Variants in PLEKHA7 observed in about 807,000 individuals in gnomAD.
PLEKHA7 encodes the protein pleckstrin homology domain-containing family A member 7.
Under a neutral mutation model 170.0 loss-of-function variants are expected in PLEKHA7, and 104 were observed. That is an observed-to-expected ratio of 0.61 (90% CI 0.52 to 0.72). PLEKHA7 has a LOEUF of 0.72. Among genes scored for constraint, PLEKHA7 ranks in the 30% least tolerant of loss-of-function variants. The pLI is 0.00. For synonymous variants in PLEKHA7, 648 were observed against 660.8 expected (o/e 0.98, Z 0.30); for missense variants, 1,615 against 1,671.7 (o/e 0.97, Z 0.59).
intron 3 of PLEKHA7, 76 bp from the exon 4 acceptor site, chr11:16,871,258 T>C: frequency 8.6e-7 from 1 of 1,162,154 alleles, no homozygotes; most frequent in Non-Finnish European, 1.3e-6. Context: ...CAGTCAGCAA[T>C]GTCTGGTGAC....
chr11:16,820,911 G>A (rs1043491837), intron 10 of PLEKHA7, among the ~76,000 whole-genome samples: 2 of 152,206 alleles, frequency 1.3e-5, no homozygotes, highest in African/African-American at 4.8e-5. Flanking sequence ...TAACTATGGA[G>A]GAGGGACACA....
chr11:16,878,339 A>C (rs1376343939), intron 3 of PLEKHA7, among the ~76,000 whole-genome samples: 1 of 152,196 alleles, frequency 6.6e-6, no homozygotes, highest in East Asian at 1.9e-4. Flanking sequence ...ATCTTTTAAA[A>C]TATAAGCTAG....
chr11:16,886,492 C>T (rs1014720626), intron 3 of PLEKHA7, among the ~76,000 whole-genome samples: 3 of 152,188 alleles, frequency 2.0e-5, no homozygotes, highest in Non-Finnish European at 4.4e-5. Flanking sequence ...AAGTGGATCA[C>T]CTGAGGTCAG....
intron 4 of PLEKHA7, among the ~76,000 whole-genome samples, chr11:16,863,888 T>C (rs1320619800): frequency 6.6e-6 from 1 of 152,058 alleles, no homozygotes; most frequent in Non-Finnish European, 1.5e-5. Flanking sequence ...AGCAAAATGA[T>C]CCAATAACTG....
At chr11:16,848,168 G>A (rs1203284149) in intron 8 of PLEKHA7, among the ~76,000 whole-genome samples, 5 of 152,208 alleles carry the variant, frequency 3.3e-5, no homozygotes, top group Non-Finnish European at 7.3e-5. Context: ...AGAGAAAAAA[G>A]GCAGCTCTTT....
intron 3 of PLEKHA7, among the ~76,000 whole-genome samples, chr11:16,949,419 G>C (rs769546156): frequency 5.3e-4 from 81 of 152,198 alleles, no homozygotes; most frequent in Admixed American, 5.2e-4. Flanking sequence ...CATGGGGAGG[G>C]AGCGGTGTGA....
At chr11:16,786,849 G>T in intron 23 of PLEKHA7, 2 of 985,386 alleles carry the variant, frequency 2.0e-6, no homozygotes, top group Non-Finnish European at 2.4e-6. Flanking sequence ...TTTCTATTGG[G>T]AATTTTCAAC....
chr11:16,839,851 C>CAT (rs1026314527), intron 9 of PLEKHA7, among the ~76,000 whole-genome samples: 3 of 151,708 alleles, frequency 2.0e-5, no homozygotes, highest in African/African-American at 4.8e-5. Context: ...ATACTGTAAA[C>CAT]ATATATATAT....
At chr11:16,833,233 TC>T (rs540652664) in intron 9 of PLEKHA7, among the ~76,000 whole-genome samples, 2 of 152,032 alleles carry the variant, frequency 1.3e-5, no homozygotes, top group Non-Finnish European at 2.9e-5. Context: ...CCTTCAGGCC[TC>T]CCTCCCACAG....
At chr11:16,841,431 G>A in intron 9 of PLEKHA7, 116 bp downstream of exon 9, 5 of 1,147,712 alleles carry the variant, frequency 4.4e-6, no homozygotes, top group Non-Finnish European at 6.1e-6. Flanking sequence ...TTTATAAAGA[G>A]AGGGCAATGC....
Position 16,783,829 on chromosome 11 carries a change from G to C in PLEKHA7, c.3521C>G (p.Ser1174Cys). ...DYDLDISREL[S>C]KPEKVSIPER... Reference sequence around the variant, plus strand: ...AGGGATTGACACCTTCTCTGGTTTGGACAGCTGGGGAGAGGCCAGGAGGTG... The same window carrying C: ...AGGGATTGACACCTTCTCTGGTTTGCACAGCTGGGGAGAGGCCAGGAGGTG... The change falls in exon 25 of 27, where the codon TCC becomes TGC. Residue 1174 changes from serine (S) to cysteine (C), a missense_variant. Ser to Cys is a moderately radical substitution (Grantham distance 112). Coordinates refer to ENST00000531066, the MANE Select transcript of PLEKHA7 (RefSeq NM_001329630.2). The C allele has an allele frequency of 1.3e-6, 2 of 1,482,980 alleles. No individual in the cohort carries two copies. The highest frequency in any genetic ancestry group is 1.8e-6 in the Non-Finnish European group (2 of 1,121,498). 91.9% of individuals were successfully genotyped at this position (1,482,980 alleles called of 1,614,324 possible). A position where few individuals can be genotyped will look rare whatever the true frequency, so the allele number is the denominator to read the frequency against.
chr11:17,013,135 C>G lies in PLEKHA7; in HGVS notation c.221+854G>C, dbSNP rs148754687. 4.6e-5 allele frequency: 7 copies of G among 152,472 alleles called. No individual in the cohort carries two copies. In the East Asian group the frequency reaches 7.7e-4, roughly 17 times the overall value. The allele number at this position is 152,472 out of a possible 1,614,324, so 9.4% of individuals were successfully genotyped here. A position where few individuals can be genotyped will look rare whatever the true frequency, so the allele number is the denominator to read the frequency against. ...AGGGGTCAAAGGCAGTGTCTGGCCT[C>G]CCGGAGCTCAGCAGGCAGAGGGAAA... is the stretch of plus-strand genomic sequence containing the variant. On this transcript the variant is annotated intron_variant, in intron 3 of 26. Transcript: ENST00000531066.
intron 3 of PLEKHA7, among the ~76,000 whole-genome samples, chr11:16,899,939 AG>A (rs1243959330): frequency 6.6e-6 from 1 of 152,184 alleles, no homozygotes; most frequent in African/African-American, 2.4e-5. Flanking sequence ...CAGGGAGCCC[AG>A]GTGCTAGGGG....
intron 3 of PLEKHA7, among the ~76,000 whole-genome samples, chr11:16,953,421 C>A (rs918634876): frequency 1.3e-5 from 2 of 152,184 alleles, no homozygotes; most frequent in African/African-American, 4.8e-5. Flanking sequence ...GTCCTAAGAT[C>A]TTGTGCCAAA....
chr11:16,888,083 G>GGCA (rs1856291746), intron 3 of PLEKHA7, among the ~76,000 whole-genome samples: 1 of 147,198 alleles, frequency 6.8e-6, no homozygotes, highest in African/African-American at 2.6e-5. Context: ...CTGCCCGGCC[G>GGCA]CCCCATCTGA....
chr11:17,001,064 A>G (rs1269867570), intron 3 of PLEKHA7, among the ~76,000 whole-genome samples: 2 of 152,106 alleles, frequency 1.3e-5, no homozygotes, highest in South Asian at 2.1e-4. Flanking sequence ...CATTTTCTGC[A>G]TTGGTCTCTC....
At chr11:16,793,432 G>T (rs995552523) in intron 19 of PLEKHA7, among the ~76,000 whole-genome samples, 1 of 152,240 alleles carries the variant, frequency 6.6e-6, no homozygotes, top group Non-Finnish European at 1.5e-5. Flanking sequence ...CCTGGGTCCA[G>T]CTCTGGGCCC....
At chr11:16,883,235 C>T (rs1590454314) in intron 3 of PLEKHA7, among the ~76,000 whole-genome samples, 1 of 152,238 alleles carries the variant, frequency 6.6e-6, no homozygotes, top group Non-Finnish European at 1.5e-5. Flanking sequence ...TGGCAAGCTT[C>T]GAAGACTCAC....
intron 3 of PLEKHA7, among the ~76,000 whole-genome samples, chr11:16,930,337 T>A (rs1859841062): frequency 6.6e-6 from 1 of 152,062 alleles, no homozygotes; most frequent in Non-Finnish European, 1.5e-5. Context: ...CCCCAGCTAC[T>A]TGGGAGGCTG....
Sources: allele counts gnomAD v4.1 joint callset (sites outside exome capture counted in the v4.1 genomes callset), GRCh38; gene constraint gnomAD v4.1.1; transcripts MANE v1.5; gene names NCBI Gene and HGNC (gene_info 2026-07-23, HGNC 2026-07-21).